Variants in ARAP2 observed in about 807,000 individuals in gnomAD.
ARAP2 encodes arf-GAP with Rho-GAP domain, ANK repeat and PH domain-containing protein 2.
In ARAP2, 148 loss-of-function variants were observed where a neutral mutation model predicts 194.5. That is an observed-to-expected ratio of 0.76 (90% CI 0.67 to 0.87). ARAP2 has a LOEUF of 0.87. Ranked by LOEUF, ARAP2 falls within the 40% of genes least tolerant of loss-of-function variation. The pLI is 0.00. For missense variants in ARAP2, 2,128 were observed against 1,989.7 expected (o/e 1.07, Z -1.32); for synonymous variants, 695 against 683.5 (o/e 1.02, Z -0.26).
intron 5 of ARAP2, among the ~76,000 whole-genome samples, chr4:36,045,808 C>CA (rs1366652996): frequency 1.3e-5 from 2 of 151,334 alleles, no homozygotes; most frequent in Non-Finnish European, 2.9e-5. Context: ...CATTGTACCC[C>CA]AAAAAGATAT....
chr4:36,014,444 C>T (rs1241856923), intron 8 of ARAP2, among the ~76,000 whole-genome samples: 6 of 151,748 alleles, frequency 4.0e-5, no homozygotes, highest in South Asian at 2.1e-4. Flanking sequence ...CATAGTGCCA[C>T]AAAACAAGGA....
intron 12 of ARAP2, among the ~76,000 whole-genome samples, chr4:36,160,950 G>A (rs967120225): frequency 3.3e-5 from 5 of 152,222 alleles, no homozygotes; most frequent in Admixed American, 6.5e-5. Context: ...TTAAATGGCC[G>A]AGTAGGTGGG....
At chr4:36,148,267 T>G (rs1250952477) in intron 17 of ARAP2, 138 bp downstream of exon 17, 2 of 609,882 alleles carry the variant, frequency 3.3e-6, no homozygotes, top group African/African-American at 1.9e-5. Context: ...TTTGACTACT[T>G]TTTTTGAAAA....
At chr4:36,109,268 A>G (rs917289485) in intron 26 of ARAP2, among the ~76,000 whole-genome samples, 1 of 151,944 alleles carries the variant, frequency 6.6e-6, no homozygotes, top group Non-Finnish European at 1.5e-5. Context: ...AAGCTAACTC[A>G]TTATAATAAT....
At chr4:36,193,979 A>G (rs1416929278) in intron 6 of ARAP2, among the ~76,000 whole-genome samples, 1 of 152,250 alleles carries the variant, frequency 6.6e-6, no homozygotes, top group Non-Finnish European at 1.5e-5. Flanking sequence ...TTCCACGAAG[A>G]TAATATAAGC....
chr4:36,013,029 A>T (rs1182544696), intron 8 of ARAP2, among the ~76,000 whole-genome samples: 2 of 152,216 alleles, frequency 1.3e-5, no homozygotes, highest in East Asian at 1.9e-4. Context: ...TGTTCTTGTA[A>T]AGACTTAACA....
intron 30 of ARAP2, among the ~76,000 whole-genome samples, chr4:36,080,646 C>T (rs1182061039): frequency 6.6e-6 from 1 of 152,132 alleles, no homozygotes; most frequent in Non-Finnish European, 1.5e-5. Flanking sequence ...AAAATATGTG[C>T]ACATCCTCAT....
chr4:36,157,953 C>G (rs1732956953), intron 15 of ARAP2, among the ~76,000 whole-genome samples: 1 of 152,098 alleles, frequency 6.6e-6, no homozygotes, highest in Non-Finnish European at 1.5e-5. Flanking sequence ...ATACTAGGCT[C>G]CCGAGCCCGA....
chr4:36,223,875 T>C (rs889835489), intron 2 of ARAP2, among the ~76,000 whole-genome samples: 1 of 152,104 alleles, frequency 6.6e-6, no homozygotes, highest in African/African-American at 2.4e-5. Flanking sequence ...TAAGAAAAAT[T>C]TCTATTGGTT....
chr4:36,191,729 G>C (rs1741943309), intron 7 of ARAP2, among the ~76,000 whole-genome samples: 4 of 151,986 alleles, frequency 2.6e-5, no homozygotes, highest in African/African-American at 4.8e-5. Flanking sequence ...TAACACACAG[G>C]TATCTAGGGC....
chr4:36,068,331 G>T lies in ARAP2; in HGVS notation c.4744-53C>A, dbSNP rs980110279. ...GGAAGCAAGATTTGGCACAATTTAG[G>T]TTTAGAAAGTGCAATCCACATAAAA... On this transcript the variant is annotated intron_variant, in intron 32 of 32. Transcript: ENST00000303965. The T allele has an allele frequency of 2.7e-6, 4 of 1,485,616 alleles. No individual in the cohort carries two copies. In the African/African-American group the frequency reaches 5.6e-5, roughly 21 times the overall value. 92.0% of individuals were successfully genotyped at this position (1,485,616 alleles called of 1,614,324 possible). A position where few individuals can be genotyped will look rare whatever the true frequency, so the allele number is the denominator to read the frequency against.
chr4:36,125,254 T>C (rs1422352491), intron 21 of ARAP2, among the ~76,000 whole-genome samples: 1 of 151,980 alleles, frequency 6.6e-6, no homozygotes, highest in African/African-American at 2.4e-5. Flanking sequence ...TTTTTTATCT[T>C]CTACTTTATG....
intron 11 of ARAP2, among the ~76,000 whole-genome samples, chr4:36,161,968 C>T (rs1336656254): frequency 6.6e-6 from 1 of 151,818 alleles, no homozygotes; most frequent in African/African-American, 2.4e-5. Flanking sequence ...ATTAGCCGGG[C>T]GAGGTGGCAG....
At chr4:36,138,937 T>C (rs1434337653) in intron 19 of ARAP2, among the ~76,000 whole-genome samples, 1 of 151,762 alleles carries the variant, frequency 6.6e-6, no homozygotes, top group Non-Finnish European at 1.5e-5. Context: ...TACTTAACTT[T>C]ACATGTGCTT....
chr4:36,207,720 G>A (rs888769558), intron 6 of ARAP2, among the ~76,000 whole-genome samples: 2 of 151,950 alleles, frequency 1.3e-5, no homozygotes, highest in South Asian at 4.2e-4. Flanking sequence ...TTTTTAAATT[G>A]TATTTTGACA....
chr4:36,107,690 C>T lies in ARAP2; in HGVS notation c.4160G>A (p.Arg1387His), dbSNP rs780675685. The change falls in exon 27 of 33, where the codon CGT becomes CAT. Residue 1387 changes from arginine (R) to histidine (H), a missense_variant. By Grantham distance (29) the Arg-to-His change is conservative (BLOSUM62 0). Coordinates refer to ENST00000303965, the MANE Select transcript of ARAP2 (RefSeq NM_015230.4). ...TACATTTTCCTTGTAGTGAAGAGGACGCTCTGTAAAAAATAAATTCCAAAT... is the reference window on the plus strand; with the variant it reads ...TACATTTTCCTTGTAGTGAAGAGGATGCTCTGTAAAAAATAAATTCCAAAT... ...FEVIENEELE[R>H]PLHYKENVLE... is the part of the protein sequence containing the mutation. 31 of 1,589,974 alleles carry T rather than the reference C, an allele frequency of 1.9e-5. No individual in the cohort carries two copies. The highest frequency in any genetic ancestry group is 6.8e-5 in the East Asian group (3 of 44,238).
chr4:36,074,751 G>A (rs1054136689), intron 31 of ARAP2, among the ~76,000 whole-genome samples: 1 of 152,064 alleles, frequency 6.6e-6, no homozygotes, highest in East Asian at 1.9e-4. Flanking sequence ...TTAAGCAACA[G>A]ATTATTGTTC....
intron 21 of ARAP2, among the ~76,000 whole-genome samples, chr4:36,126,983 G>A (rs1724085881): frequency 6.6e-6 from 1 of 151,978 alleles, no homozygotes; most frequent in Non-Finnish European, 1.5e-5. Flanking sequence ...GCCTACAGGA[G>A]CACATCATGC....
At chr4:36,014,370 GAAAGAA>G (rs1321146845) in intron 8 of ARAP2, among the ~76,000 whole-genome samples, 2 of 113,022 alleles carry the variant, frequency 1.8e-5, no homozygotes, top group Non-Finnish European at 3.5e-5. Flanking sequence ...AAGAAAGAAA[GAAAGAA>G]AGAAAGAAAA....
Sources: gnomAD v4.1 joint callset for allele counts (sites outside exome capture counted in the v4.1 genomes callset) on GRCh38, gnomAD v4.1.1 for gene constraint, MANE v1.5 for transcripts, NCBI Gene and HGNC (gene_info 2026-07-23, HGNC 2026-07-21) for gene names.